Variants in EPHB1 observed in about 807,000 individuals in gnomAD.
EPHB1 encodes the protein ephrin type-B receptor 1.
Under a neutral mutation model 94.4 loss-of-function variants are expected in EPHB1, and 30 were observed. The ratio of observed to expected loss-of-function variants is 0.32; its 90% confidence interval spans 0.24 to 0.43. EPHB1 has a LOEUF of 0.43. Among genes scored for constraint, EPHB1 ranks in the 20% least tolerant of loss-of-function variants. EPHB1 has a pLI of 1.00. For missense variants in EPHB1, 1,055 were observed against 1,308.3 expected, an observed-to-expected ratio of 0.81 and a Z score of 2.99; for synonymous variants, 522 against 489.1, an observed-to-expected ratio of 1.07 and a Z score of -0.89.
intron 1 of EPHB1, among the ~76,000 whole-genome samples, chr3:134,806,802 T>C (rs558250296): frequency 6.6e-6 from 1 of 152,262 alleles, no homozygotes; most frequent in Non-Finnish European, 1.5e-5. Flanking sequence ...CTTGGGAGCA[T>C]ACATCCTATT....
At chr3:134,811,625 C>G (rs528591463) in intron 1 of EPHB1, among the ~76,000 whole-genome samples, 17 of 152,100 alleles carry the variant, frequency 1.1e-4, no homozygotes, top group African/African-American at 4.1e-4. Flanking sequence ...GACATCTGTT[C>G]ATGTACTGAG....
intron 12 of EPHB1, among the ~76,000 whole-genome samples, chr3:135,215,137 G>A (rs1289809370): frequency 3.9e-5 from 6 of 151,988 alleles, no homozygotes; most frequent in Admixed American, 3.9e-4. Flanking sequence ...GCAAGAGATG[G>A]CAGATGTACA....
chr3:135,249,264 G>A, intron 14 of EPHB1, 72 bp from the exon 15 acceptor site: 1 of 1,515,226 alleles, frequency 6.6e-7, no homozygotes. Flanking sequence ...GAAGTCAGCT[G>A]TCAGGCCAGA....
intron 12 of EPHB1, among the ~76,000 whole-genome samples, chr3:135,232,953 T>C (rs1453465182): frequency 1.3e-5 from 2 of 152,206 alleles, no homozygotes; most frequent in African/African-American, 2.4e-5. Context: ...GCCTCCATGA[T>C]TAAATTACCT....
chr3:135,215,822 C>A (rs943166111), intron 12 of EPHB1, among the ~76,000 whole-genome samples: 1 of 152,166 alleles, frequency 6.6e-6, no homozygotes, highest in African/African-American at 2.4e-5. Flanking sequence ...CTGCATGTCA[C>A]GTGAGTTCCC....
chr3:135,112,624 G>C (rs1559835471), intron 4 of EPHB1, among the ~76,000 whole-genome samples: 1 of 145,316 alleles, frequency 6.9e-6, no homozygotes, highest in African/African-American at 2.6e-5. Context: ...CGACCTCTGA[G>C]TGAGGACATG....
At chr3:134,927,555 T>A (rs1293807356) in intron 2 of EPHB1, among the ~76,000 whole-genome samples, 1 of 152,240 alleles carries the variant, frequency 6.6e-6, no homozygotes, top group East Asian at 1.9e-4. Flanking sequence ...GAATTTGCCA[T>A]CTTTTACAAA....
chr3:135,123,589 C>T (rs1232198926), intron 4 of EPHB1, among the ~76,000 whole-genome samples: 1 of 152,078 alleles, frequency 6.6e-6, no homozygotes, highest in Non-Finnish European at 1.5e-5. Flanking sequence ...AAGCACCATG[C>T]CCAGCACCAG....
chr3:135,225,692 T>C (rs1943379078), intron 12 of EPHB1, among the ~76,000 whole-genome samples: 1 of 150,322 alleles, frequency 6.7e-6, no homozygotes, highest in Non-Finnish European at 1.5e-5. Context: ...ACACCTCAGG[T>C]GAGTGGGGAT....
At chr3:135,148,174 A>G (rs1290269875) in intron 5 of EPHB1, among the ~76,000 whole-genome samples, 1 of 152,256 alleles carries the variant, frequency 6.6e-6, no homozygotes, top group Admixed American at 6.5e-5. Flanking sequence ...GAAAAAAAGC[A>G]TCAAGTAAAT....
intron 3 of EPHB1, among the ~76,000 whole-genome samples, chr3:135,061,549 C>T (rs922050982): frequency 6.6e-6 from 1 of 152,006 alleles, no homozygotes; most frequent in Admixed American, 6.6e-5. Flanking sequence ...TTAATTCATT[C>T]CTTTTTTATG....
At chr3:134,903,214 G>A (rs1398889633) in intron 1 of EPHB1, among the ~76,000 whole-genome samples, 1 of 152,230 alleles carries the variant, frequency 6.6e-6, no homozygotes, top group Admixed American at 6.5e-5. Flanking sequence ...GTGCCAAGCT[G>A]GGGACAACAA....
intron 3 of EPHB1, among the ~76,000 whole-genome samples, chr3:135,063,661 C>A (rs1358367834): frequency 6.6e-6 from 1 of 152,054 alleles, no homozygotes; most frequent in Admixed American, 6.6e-5. Flanking sequence ...TTTTTCTTTA[C>A]CTATTTGGAT....
chr3:135,118,950 C>T (rs895270031), intron 4 of EPHB1, among the ~76,000 whole-genome samples: 1 of 152,172 alleles, frequency 6.6e-6, no homozygotes, highest in Admixed American at 6.5e-5. Flanking sequence ...CACTTAGAAC[C>T]AATCAATATT....
intron 3 of EPHB1, among the ~76,000 whole-genome samples, chr3:135,046,853 A>G (rs1937013730): frequency 6.6e-6 from 1 of 152,256 alleles, no homozygotes; most frequent in Non-Finnish European, 1.5e-5. Flanking sequence ...ATGCTTAGTG[A>G]CAATGCCTGA....
At chr3:134,971,850 C>G (rs1933980843) in intron 3 of EPHB1, among the ~76,000 whole-genome samples, 1 of 152,202 alleles carries the variant, frequency 6.6e-6, no homozygotes, top group Admixed American at 6.5e-5. Context: ...ATTTCCAGCA[C>G]TGGATTGACC....
chr3:134,831,013 C>G (rs1030320859), intron 1 of EPHB1, among the ~76,000 whole-genome samples: 14 of 152,164 alleles, frequency 9.2e-5, no homozygotes, highest in African/African-American at 3.4e-4. Flanking sequence ...CAATGACTTC[C>G]TACTGTCATG....
chr3:134,880,372 C>T (rs1199970802), intron 1 of EPHB1, among the ~76,000 whole-genome samples: 2 of 152,212 alleles, frequency 1.3e-5, no homozygotes, highest in African/African-American at 2.4e-5. Context: ...AGGATACCTT[C>T]AGGGCTGGTT....
chr3:134,900,485 G>A (rs1490063036), intron 1 of EPHB1, among the ~76,000 whole-genome samples: 1 of 152,090 alleles, frequency 6.6e-6, no homozygotes, highest in Non-Finnish European at 1.5e-5. Context: ...GTAGAATCTT[G>A]GTCCTGAGAA....
Sources: gnomAD v4.1 joint callset for allele counts (sites outside exome capture counted in the v4.1 genomes callset) on GRCh38, gnomAD v4.1.1 for gene constraint, MANE v1.5 for transcripts, NCBI Gene and HGNC (gene_info 2026-07-23, HGNC 2026-07-21) for gene names.